RPH3A: variants seen among roughly 807,000 people sequenced by gnomAD.
The protein encoded by RPH3A is rabphilin 3A.
A neutral mutation model predicts 102.2 loss-of-function variants in RPH3A; 48 were observed. That is an observed-to-expected ratio of 0.47 (90% confidence interval 0.37 to 0.60). The LOEUF (loss-of-function observed/expected upper bound fraction) is 0.60, where lower values mean the gene tolerates loss of function less well. Among genes scored for constraint, RPH3A ranks in the 20% least tolerant of loss-of-function variants. The probability of loss-of-function intolerance (pLI) is 0.00; values close to 1 mark genes in which losing one functional copy is unlikely to be tolerated. For synonymous variants in RPH3A, 310 were observed against 324.3 expected (o/e 0.96, Z 0.47); for missense variants, 781 against 910.1 (o/e 0.86, Z 1.83).
At chr12:112,752,639 T>G (rs1001532632) in intron 1 of RPH3A, among the ~76,000 whole-genome samples, 1 of 148,142 alleles carries the variant, frequency 6.8e-6, no homozygotes, top group Non-Finnish European at 1.5e-5. Flanking sequence ...TTTCAAAAAA[T>G]AATTTTAAAA....
chr12:112,821,461 A>G (rs994285909), intron 2 of RPH3A, among the ~76,000 whole-genome samples: 1 of 151,738 alleles, frequency 6.6e-6, no homozygotes, highest in African/African-American at 2.4e-5. Context: ...CTTTACTCCA[A>G]CCACTCTGTC....
chr12:112,648,510 C>T (rs11615820), intron 1 of RPH3A, among the ~76,000 whole-genome samples: 4,253 of 136,682 alleles, frequency 0.031, 157 homozygotes, highest in Admixed American at 0.12. Flanking sequence ...TGAGGTGGGA[C>T]GATCGCTGAG....
At chr12:112,788,117 C>T (rs988616257), upstream of RPH3A, among the ~76,000 whole-genome samples, 4 of 152,092 alleles carry the variant, frequency 2.6e-5, no homozygotes, top group South Asian at 4.1e-4. Context: ...CAGAAGCACC[C>T]GGGACAGAAG....
rs1401278961 is a variant in RPH3A at position 112,702,609 on chromosome 12, G to A, written c.-139-89534G>A. ...CTGTGCTGTGCAGCCATAGACTAGA[G>A]TGAAGGAATGGCTGTAACTGAGGAG... is the stretch of plus-strand genomic sequence containing the variant. On this transcript the variant is annotated intron_variant, in intron 1 of 21. Coordinates refer to the RPH3A transcript ENST00000543106. Among the ~76,000 whole-genome samples the A allele has an allele frequency of 5.3e-5, 8 of 152,218 alleles. No homozygotes were observed. The East Asian group carries it at 1.3e-3, about 26-fold the overall frequency.
At chr12:112,763,399 T>A (rs2040867423) in intron 1 of RPH3A, among the ~76,000 whole-genome samples, 2 of 152,248 alleles carry the variant, frequency 1.3e-5, no homozygotes, top group Admixed American at 1.3e-4. Context: ...CTTGGCTTTA[T>A]ACATTTTAGG....
intron 1 of RPH3A, among the ~76,000 whole-genome samples, chr12:112,641,074 A>C (rs1033630412): frequency 6.6e-6 from 1 of 152,220 alleles, no homozygotes; most frequent in Non-Finnish European, 1.5e-5. Context: ...CTGTGCTTTT[A>C]GAATTATGTG....
intron 1 of RPH3A, among the ~76,000 whole-genome samples, chr12:112,605,396 A>C (rs1436339946): frequency 6.6e-6 from 1 of 152,156 alleles, no homozygotes; most frequent in East Asian, 1.9e-4. Flanking sequence ...CAAACAAACA[A>C]AAAACAAAAA....
chr12:112,815,614 C>A (rs2041658360), intron 2 of RPH3A, among the ~76,000 whole-genome samples: 1 of 152,206 alleles, frequency 6.6e-6, no homozygotes, highest in East Asian at 1.9e-4. Flanking sequence ...CATTTGTGGT[C>A]TTCCGTGGCT....
intron 1 of RPH3A, among the ~76,000 whole-genome samples, chr12:112,783,694 C>T (rs2041024755): frequency 6.6e-6 from 1 of 152,194 alleles, no homozygotes; most frequent in Admixed American, 6.5e-5. Context: ...TTAGTATCCT[C>T]ATTTTACAGA....
At chr12:112,698,394 T>C (rs1050722939) in intron 1 of RPH3A, among the ~76,000 whole-genome samples, 2 of 152,216 alleles carry the variant, frequency 1.3e-5, no homozygotes, top group Admixed American at 6.5e-5. Context: ...AAAATAATGA[T>C]AAATTTGACC....
At chr12:112,778,046 C>A (rs2040980655) in intron 1 of RPH3A, among the ~76,000 whole-genome samples, 1 of 152,170 alleles carries the variant, frequency 6.6e-6, no homozygotes, top group Non-Finnish European at 1.5e-5. Flanking sequence ...AAGAGCGTAA[C>A]AAATTTATTG....
At chr12:112,586,315 A>G (rs916157271) in intron 1 of RPH3A, among the ~76,000 whole-genome samples, 2 of 152,142 alleles carry the variant, frequency 1.3e-5, no homozygotes, top group Admixed American at 6.5e-5. Flanking sequence ...GCAATACACA[A>G]ATTAGCTAAT....
intron 2 of RPH3A, among the ~76,000 whole-genome samples, chr12:112,798,222 G>C (rs567289935): frequency 6.6e-6 from 1 of 152,296 alleles, no homozygotes; most frequent in Admixed American, 6.5e-5. Flanking sequence ...CATGCCTCAG[G>C]AAGCTGGGTT....
intron 1 of RPH3A, among the ~76,000 whole-genome samples, chr12:112,693,209 T>C (rs2040320622): frequency 6.6e-6 from 1 of 152,232 alleles, no homozygotes; most frequent in Non-Finnish European, 1.5e-5. Flanking sequence ...TCTTGGTTTG[T>C]ACTGTCTACA....
chr12:112,695,805 C>G (rs1054319984), intron 1 of RPH3A, among the ~76,000 whole-genome samples: 1 of 152,194 alleles, frequency 6.6e-6, no homozygotes, highest in African/African-American at 2.4e-5. Context: ...CCCAGGAGAC[C>G]TGGAGTAGTT....
At chr12:112,803,418 G>A (rs2041394415) in intron 2 of RPH3A, among the ~76,000 whole-genome samples, 1 of 152,044 alleles carries the variant, frequency 6.6e-6, no homozygotes, top group South Asian at 2.1e-4. Context: ...AGCACGCTGT[G>A]TAGGCTGCCC....
At chr12:112,656,554 C>G (rs973232760) in intron 1 of RPH3A, among the ~76,000 whole-genome samples, 1 of 152,116 alleles carries the variant, frequency 6.6e-6, no homozygotes, top group African/African-American at 2.4e-5. Flanking sequence ...GGTAATTTTT[C>G]AATACTCAAT....
intron 1 of RPH3A, among the ~76,000 whole-genome samples, chr12:112,630,505 C>A (rs2039796929): frequency 6.6e-6 from 1 of 152,118 alleles, no homozygotes; most frequent in African/African-American, 2.4e-5. Flanking sequence ...GACAAGGGGG[C>A]CAGGCTTCTG....
At chr12:112,730,852 A>C (rs1310524607) in intron 1 of RPH3A, among the ~76,000 whole-genome samples, 1 of 152,148 alleles carries the variant, frequency 6.6e-6, no homozygotes, top group African/African-American at 2.4e-5. Context: ...AGCAAAGAAC[A>C]TCCCAGGAAA....
Sources: gnomAD v4.1 joint callset for allele counts (sites outside exome capture counted in the v4.1 genomes callset) on GRCh38, gnomAD v4.1.1 for gene constraint, MANE v1.5 for transcripts, NCBI Gene and HGNC (gene_info 2026-07-23, HGNC 2026-07-21) for gene names.